Variants in LPP observed in about 807,000 individuals in gnomAD.
LPP encodes the protein lipoma-preferred partner.
LPP carries 38 observed loss-of-function variants against 60.4 expected under a neutral mutation model. That is an observed-to-expected ratio of 0.63 (90% CI 0.49 to 0.83). The LOEUF (loss-of-function observed/expected upper bound fraction) is 0.83, where lower values mean the gene tolerates loss of function less well. Ranked by LOEUF, LPP falls within the 40% of genes least tolerant of loss-of-function variation. The pLI, the probability that LPP is intolerant of heterozygous loss-of-function variation, is 0.00. For synonymous variants in LPP, 328 were observed against 290.8 expected, an observed-to-expected ratio of 1.13 and a Z score of -1.30; for missense variants, 902 against 783.6, an observed-to-expected ratio of 1.15 and a Z score of -1.80.
At chr3:188,793,561 G>A (rs569156214) in intron 9 of LPP, among the ~76,000 whole-genome samples, 4 of 152,274 alleles carry the variant, frequency 2.6e-5, no homozygotes, top group Non-Finnish European at 4.4e-5. Flanking sequence ...CCTGACATAA[G>A]AGTAAGCGGC....
intron 2 of LPP, among the ~76,000 whole-genome samples, chr3:188,231,287 C>T (rs1390034183): frequency 6.6e-6 from 1 of 152,126 alleles, no homozygotes; most frequent in Non-Finnish European, 1.5e-5. Flanking sequence ...ACCACAGATT[C>T]CCCAGGTTTA....
intron 3 of LPP, among the ~76,000 whole-genome samples, chr3:188,404,610 G>T (rs1783001804): frequency 6.6e-6 from 1 of 152,098 alleles, no homozygotes; most frequent in African/African-American, 2.4e-5. Flanking sequence ...CATGCCACTT[G>T]TTGGTGGTGT....
Position 188,874,500 on chromosome 3 carries a change from G to A in LPP, c.*21G>A, listed in dbSNP as rs377065168. On this transcript the variant is annotated 3_prime_UTR_variant, in exon 12 of 12. Coordinates refer to ENST00000617246, the MANE Select transcript of LPP (RefSeq NM_001375462.1). ...TTTAGATTCAGTCACCTGTTCAGCC[G>A]GCACTGAGAAGAACGAACACAAGAA... 2.8e-5 allele frequency: 45 copies of A among 1,608,806 alleles called. No homozygotes were observed. The highest frequency in any genetic ancestry group is 1.7e-4 in the Middle Eastern group (1 of 6,060).
chr3:188,544,511 C>G (rs1448375987), intron 6 of LPP, among the ~76,000 whole-genome samples: 1 of 151,000 alleles, frequency 6.6e-6, no homozygotes, highest in Non-Finnish European at 1.5e-5. Flanking sequence ...AAATGCTCAT[C>G]ATCACTGGCC....
intron 4 of LPP, among the ~76,000 whole-genome samples, chr3:188,444,112 C>G (rs1402130516): frequency 6.6e-6 from 1 of 152,164 alleles, no homozygotes; most frequent in East Asian, 1.9e-4. Context: ...GAAATTTTCT[C>G]TTTACAATTC....
intron 6 of LPP, among the ~76,000 whole-genome samples, chr3:188,528,422 A>G (rs1821262458): frequency 6.6e-6 from 1 of 151,592 alleles, no homozygotes; most frequent in Non-Finnish European, 1.5e-5. Context: ...CACTGAGGAG[A>G]TCATGCTTTG....
intron 1 of LPP, among the ~76,000 whole-genome samples, chr3:188,168,445 G>A (rs185256487): frequency 6.6e-6 from 1 of 152,238 alleles, no homozygotes; most frequent in African/African-American, 2.4e-5. Flanking sequence ...TCAGAGTCCT[G>A]ATTTTTGGTT....
chr3:188,349,985 T>C (rs1017073586), intron 3 of LPP, among the ~76,000 whole-genome samples: 1 of 152,198 alleles, frequency 6.6e-6, no homozygotes, highest in African/African-American at 2.4e-5. Flanking sequence ...GTTCAGCTGG[T>C]CTAGTAAAAA....
At position 188,171,205 on chromosome 3, in the gene LPP, C is replaced by A. The variant is rs577562887; in HGVS notation, c.-190+16953C>A. ...TTACTAAGTCAACACAAGCTGCAGTCACCCTGGATTGCTTGATCCTCCATG... is the reference window on the plus strand; with the variant it reads ...TTACTAAGTCAACACAAGCTGCAGTAACCCTGGATTGCTTGATCCTCCATG... On this transcript the variant is annotated intron_variant, in intron 1 of 11. Transcript: ENST00000617246. Among the ~76,000 whole-genome samples, 12 of 152,340 alleles carry A rather than the reference C, an allele frequency of 7.9e-5. No individual in the cohort carries two copies. In the South Asian group the frequency reaches 1.0e-3, roughly 13 times the overall value.
intron 2 of LPP, among the ~76,000 whole-genome samples, chr3:188,269,644 T>A (rs1736904060): frequency 9.6e-5 from 3 of 31,358 alleles, no homozygotes; most frequent in Admixed American, 2.5e-4. Flanking sequence ...CCTTTTTTTT[T>A]ATGTGTGTGT....
intron 2 of LPP, among the ~76,000 whole-genome samples, chr3:188,300,818 G>A (rs1413722883): frequency 6.6e-6 from 1 of 152,070 alleles, no homozygotes; most frequent in Non-Finnish European, 1.5e-5. Context: ...CTGTTGCTGG[G>A]CACATATATA....
chr3:188,374,238 T>G (rs1774235843), intron 3 of LPP, among the ~76,000 whole-genome samples: 1 of 152,086 alleles, frequency 6.6e-6, no homozygotes, highest in South Asian at 2.1e-4. Flanking sequence ...TTTCCAATTC[T>G]GTGAAGAAAG....
chr3:188,518,148 G>C (rs538675171), intron 5 of LPP, among the ~76,000 whole-genome samples: 3 of 152,052 alleles, frequency 2.0e-5, no homozygotes, highest in Non-Finnish European at 4.4e-5. Context: ...CCAGCTTCAA[G>C]TTTTGCATTA....
chr3:188,450,777 C>T (rs1043658971), intron 4 of LPP, among the ~76,000 whole-genome samples: 1 of 151,880 alleles, frequency 6.6e-6, no homozygotes, highest in Non-Finnish European at 1.5e-5. Context: ...TACATTGCAG[C>T]TCCTTTAGGA....
rs773174451 is a variant in LPP, at chr3:188,609,765, T to G, written c.1034T>G (p.Met345Arg). 100 of 1,613,952 alleles carry G rather than the reference T, an allele frequency of 6.2e-5. No homozygotes were observed. Among genetic ancestry groups the G allele is most frequent in the Non-Finnish European group, 8.4e-5 (99 of 1,180,004 alleles). The change falls in exon 7 of 12, where the codon ATG becomes AGG. Residue 345 changes from methionine (M) to arginine (R), a missense_variant. By Grantham distance (91) the Met-to-Arg change is moderately conservative. Coordinates refer to ENST00000617246, the MANE Select transcript of LPP (RefSeq NM_001375462.1). This position sits in a 1 kb window ranked among gnomAD's most constrained non-coding sequence, Gnocchi z 6.9. ...PGAGNQNPPG[M>R]YPVTGPKKTY... Reference sequence around the variant, plus strand: ...GCAGGGAACCAGAACCCTCCTGGGATGTATCCAGTCACTGGTCCCAAGAAG... The same window carrying G: ...GCAGGGAACCAGAACCCTCCTGGGAGGTATCCAGTCACTGGTCCCAAGAAG...
intron 5 of LPP, among the ~76,000 whole-genome samples, chr3:188,512,758 A>G (rs1560502580): frequency 6.6e-6 from 1 of 152,168 alleles, no homozygotes; most frequent in Non-Finnish European, 1.5e-5. Context: ...ATACTTGAAA[A>G]TGATGAGCTA....
chr3:188,789,091 T>C (rs1384149133), intron 9 of LPP, among the ~76,000 whole-genome samples: 1 of 136,950 alleles, frequency 7.3e-6, no homozygotes, highest in Non-Finnish European at 1.5e-5. Flanking sequence ...TCTTTTGTTG[T>C]TGTTGGGTTT....
intron 7 of LPP, among the ~76,000 whole-genome samples, chr3:188,704,759 T>A (rs1192866685): frequency 3.2e-5 from 4 of 125,394 alleles, no homozygotes; most frequent in African/African-American, 1.0e-4. Flanking sequence ...ATACCTGTTT[T>A]GTTGTTGTTG....
At chr3:188,574,592 A>G (rs1024821135) in intron 6 of LPP, among the ~76,000 whole-genome samples, 1 of 152,090 alleles carries the variant, frequency 6.6e-6, no homozygotes, top group African/African-American at 2.4e-5. Flanking sequence ...TTGTGTGTGC[A>G]TGTTCTTGCT....
Sources: gnomAD v4.1 joint callset for allele counts (sites outside exome capture counted in the v4.1 genomes callset) on GRCh38, gnomAD v4.1.1 for gene constraint, Gnocchi (gnomAD v3.1) non-coding constraint, MANE v1.5 for transcripts, NCBI Gene and HGNC (gene_info 2026-07-23, HGNC 2026-07-21) for gene names.